ABI3: variants seen among roughly 807,000 people sequenced by gnomAD.
ABI3 encodes ABI family member 3, also known as ABI gene family member 3.
ABI3 carries 24 observed loss-of-function variants against 37.0 expected under a neutral mutation model. The ratio of observed to expected loss-of-function variants is 0.65; its 90% CI spans 0.47 to 0.91. ABI3 has a LOEUF of 0.91. ABI3 is among the 40% of genes least tolerant of loss of function. ABI3 has a pLI of 0.00. For missense variants in ABI3, 481 were observed against 485.1 expected (o/e 0.99, Z 0.08); for synonymous variants, 220 against 211.8 (o/e 1.04, Z -0.34).
chr17:49,219,533 C>T lies in ABI3; in HGVS notation c.463-7C>T. ...AAATGTAAGCCCTACCTCCCGCTCC[C>T]TCGCAGGACCTCAGCACGCAGCTGT... On this transcript the variant is annotated splice_polypyrimidine_tract_variant and splice_region_variant and intron_variant, in intron 3 of 7. Transcript: ENST00000225941. The surrounding 1 kb of genome is among the most constrained non-coding windows in gnomAD (Gnocchi z 4.3). The T allele has an allele frequency of 6.3e-7, 1 of 1,597,556 alleles. No homozygotes were observed. The highest frequency in any genetic ancestry group is 1.1e-5 in the South Asian group (1 of 88,406).
At chr17:49,211,608 G>GGAGGT (rs2043168193) in intron 1 of ABI3, among the ~76,000 whole-genome samples, 1 of 152,146 alleles carries the variant, frequency 6.6e-6, no homozygotes, top group Non-Finnish European at 1.5e-5. Context: ...AGTAGCTCAG[G>GGAGGT]GAGGTGAGGT....
Position 49,210,753 on chromosome 17 carries a change from T to G in ABI3, c.29T>G (p.Phe10Cys). 4 of 1,556,190 alleles carry G rather than the reference T, an allele frequency of 2.6e-6. No individual in the cohort carries two copies. The highest frequency in any genetic ancestry group is 1.7e-4 in the Middle Eastern group (1 of 5,988). Residue 10 changes from phenylalanine (F) to cysteine (C), a missense_variant, in exon 1 of 8, where the codon TTT becomes TGT. Phe to Cys is a radical substitution (Grantham distance 205, BLOSUM62 -2). Transcript: ENST00000225941. This position sits in a 1 kb window ranked among gnomAD's most constrained non-coding sequence, Gnocchi z 4.2. ...GCGGAGCTACAGCAGCTGCAGGAGT[T>G]TGAGATCCCCACTGGCCGGGAGGCT... MAELQQLQE[F>C]EIPTGREALR...
In ABI3 at chr17:49,219,882, A is replaced by G; in HGVS notation, c.573A>G (p.Pro191=). The G allele has an allele frequency of 6.5e-7, 1 of 1,548,474 alleles. No homozygotes were observed. The highest frequency in any genetic ancestry group is 8.7e-7 in the Non-Finnish European group (1 of 1,152,480). Residue 191 remains proline (P), a synonymous_variant, in exon 5 of 8, where the codon CCA becomes CCG. Coordinates refer to ENST00000225941, the MANE Select transcript of ABI3 (RefSeq NM_016428.3). This position sits in a 1 kb window ranked among gnomAD's most constrained non-coding sequence, Gnocchi z 4.3. ...GGAGACCACCCCGGATTCCCGAGCCAGTGCACCTGCCGGTGGTGCCCGACG... is the reference window on the plus strand; with the variant it reads ...GGAGACCACCCCGGATTCCCGAGCCGGTGCACCTGCCGGTGGTGCCCGACG... ...TLGRPPRIPE[P]VHLPVVPDGR...
chr17:49,217,738 G>A lies in ABI3; in HGVS notation c.286-1G>A. 6.2e-7 allele frequency: 1 copy of A among 1,605,698 alleles called. No individual in the cohort carries two copies. Among genetic ancestry groups the A allele is most frequent in the Non-Finnish European group, 8.5e-7 (1 of 1,176,400 alleles). On this transcript the variant is annotated splice_acceptor_variant, in intron 2 of 7. Coordinates refer to ENST00000225941, the MANE Select transcript of ABI3 (RefSeq NM_016428.3). LOFTEE classifies it high-confidence loss of function. ...CTGTCACCTTGAACCCTGTCATGCA[G>A]ATGGTGAACATGCATATGGAGAAGG...
At chr17:49,211,233 C>T (rs1176736177) in intron 1 of ABI3, among the ~76,000 whole-genome samples, 1 of 152,148 alleles carries the variant, frequency 6.6e-6, no homozygotes, top group Non-Finnish European at 1.5e-5. Flanking sequence ...TTCAGAAGAA[C>T]TTCCCAAACA....
rs141746983 is a variant in ABI3 at position 49,220,295 on chromosome 17, C to G, written c.771C>G (p.Pro257=). The G allele has an allele frequency of 1.7e-4, 265 of 1,598,828 alleles. No individual in the cohort carries two copies. The highest frequency in any genetic ancestry group is 3.9e-4 in the Middle Eastern group (2 of 5,114). Residue 257 remains proline, a synonymous_variant, in exon 6 of 8, where the codon CCC becomes CCG. Transcript: ENST00000225941. ...CCGTCGAGGTGTTCCAGCGGCCTCC[C>G]ACGCTGGAGGAGTTGTCCCCACCCC... is the stretch of plus-strand genomic sequence containing the variant. ...PAAVEVFQRP[P]TLEELSPPPP... is the part of the protein sequence containing the mutation.
chr17:49,221,479 A>T lies in ABI3; in HGVS notation c.803-612A>T, dbSNP rs756654434. On this transcript the variant is annotated intron_variant, in intron 6 of 7. Transcript: ENST00000225941. ...CAGCGAGACTCGGTCTCAAAAAAAA[A>T]TAAAACAAAATAAACTTAATCCTGA... 9.9e-4 allele frequency among the ~76,000 whole-genome samples: 150 copies of T among 152,096 alleles called. 2 individuals carry two copies. Among genetic ancestry groups the T allele is most frequent in the Non-Finnish European group, 1.6e-3 (110 of 68,018 alleles).
At position 49,222,183 on chromosome 17, in the gene ABI3, C is replaced by A. The variant is rs1329720152; in HGVS notation, c.895C>A (p.Pro299Thr). The change falls in exon 7 of 8, where the codon CCT becomes ACT. Residue 299 changes from proline to threonine, a missense_variant. Coordinates refer to ENST00000225941, the MANE Select transcript of ABI3 (RefSeq NM_016428.3). ...GLPPPPPGFG[P>T]DEPSWVPASY... ...GCCTCCACCCCCACCAGGATTTGGG[C>A]CTGATGAGCCCAGCTGGGTGCCTGC... 6.2e-7 allele frequency: 1 copy of A among 1,613,790 alleles called. No homozygotes were observed. Among genetic ancestry groups the A allele is most frequent in the South Asian group, 1.1e-5 (1 of 91,022 alleles).
chr17:49,212,182 G>A (rs2043175624), intron 1 of ABI3, among the ~76,000 whole-genome samples: 1 of 151,936 alleles, frequency 6.6e-6, no homozygotes, highest in Non-Finnish European at 1.5e-5. Context: ...TTGAACTCCT[G>A]GCCTCAAGTG....
At chr17:49,216,824 C>A in intron 2 of ABI3, 126 bp downstream of exon 2, 2 of 1,188,058 alleles carry the variant, frequency 1.7e-6, no homozygotes, top group Non-Finnish European at 2.2e-6. Flanking sequence ...AACTCTACAG[C>A]AGAAGGTTGG....
intron 2 of ABI3, 89 bp downstream of exon 2, chr17:49,216,787 C>T: frequency 7.6e-7 from 1 of 1,318,424 alleles, no homozygotes; most frequent in East Asian, 3.1e-5. Flanking sequence ...AAAGTTCCTT[C>T]CTGCTTTCCT....
At chr17:49,217,974 T>C in intron 3 of ABI3, 59 bp downstream of exon 3, 1 of 1,451,570 alleles carries the variant, frequency 6.9e-7, no homozygotes, top group Non-Finnish European at 9.1e-7. Context: ...TTGTGGCCCC[T>C]TTCCCTCCAG....
Position 49,210,888 on chromosome 17 carries a change from G to T in ABI3, c.117+47G>T. 1 of 1,480,562 alleles carries T rather than the reference G, an allele frequency of 6.8e-7. No homozygotes were observed. Among genetic ancestry groups the T allele is most frequent in the Non-Finnish European group, 9.2e-7 (1 of 1,088,618 alleles). The allele number at this position is 1,480,562 out of a possible 1,614,324, so 91.7% of individuals were successfully genotyped here. ...CTGACACCCCAGCCCCCGGAGGGGG[G>T]ACCCTGAGCCCTGCCCCAAGTGGGG... On this transcript the variant is annotated intron_variant, in intron 1 of 7. Transcript: ENST00000225941. The surrounding 1 kb of genome is among the most constrained non-coding windows in gnomAD (Gnocchi z 4.2).
chr17:49,222,164 A>G lies in ABI3; in HGVS notation c.876A>G (p.Pro292=). 1 of 1,613,042 alleles carries G rather than the reference A, an allele frequency of 6.2e-7. No homozygotes were observed. The highest frequency in any genetic ancestry group is 1.7e-4 in the Middle Eastern group (1 of 6,046). The part of the protein sequence containing the change: ...PLDGDELGLP[P]PPPGFGPDEP... ...ATGGAGATGAATTGGGGCTGCCTCC[A>G]CCCCCACCAGGATTTGGGCCTGATG... The change falls in exon 7 of 8, where the codon CCA becomes CCG. Residue 292 remains proline, a synonymous_variant. Coordinates refer to ENST00000225941, the MANE Select transcript of ABI3 (RefSeq NM_016428.3).
chr17:49,216,415 G>A (rs2043218369), intron 1 of ABI3, 116 bp from the exon 2 acceptor site: 1 of 973,586 alleles, frequency 1.0e-6, no homozygotes, highest in Non-Finnish European at 1.4e-6. Context: ...TCTAAGGGTT[G>A]CTGCTCTCTC....
At position 49,217,847 on chromosome 17, in the gene ABI3, C is replaced by A. The variant is rs774775538; in HGVS notation, c.394C>A (p.Pro132Thr). 3.7e-5 allele frequency: 59 copies of A among 1,605,862 alleles called. 2 individuals are homozygous for A. The South Asian group carries it at 5.2e-4, about 14-fold the overall frequency. ...GGTCATCGCCCCAGAGAACCTACCC[C>A]CTCTCACGCCCTACTGCAGGAGACC... ...QKVIAPENLP[P>T]LTPYCRRPLN... Residue 132 changes from proline to threonine, a missense_variant, in exon 3 of 8, where the codon CCT becomes ACT. Coordinates refer to ENST00000225941, the MANE Select transcript of ABI3 (RefSeq NM_016428.3).
Position 49,219,067 on chromosome 17 carries a change from TC to T in ABI3, c.463-469del, listed in dbSNP as rs1451984345. ...AGGCGTGCACCCTGTCATTTGCGCA[TC>T]CCCTCTAAGTGGCCTGGGTCTTGCT... On this transcript the variant is annotated intron_variant, in intron 3 of 7. Transcript: ENST00000225941. This position sits in a 1 kb window ranked among gnomAD's most constrained non-coding sequence, Gnocchi z 4.3. 6.6e-6 allele frequency among the ~76,000 whole-genome samples: 1 copy of T among 152,010 alleles called. No individual in the cohort carries two copies. Among genetic ancestry groups the T allele is most frequent in the Non-Finnish European group, 1.5e-5 (1 of 68,016 alleles).
At chr17:49,218,142 T>A (rs1456614586) in intron 3 of ABI3, among the ~76,000 whole-genome samples, 1 of 152,144 alleles carries the variant, frequency 6.6e-6, no homozygotes, top group Non-Finnish European at 1.5e-5. Flanking sequence ...GAGTGTGAGA[T>A]CCTGAGCACC....
chr17:49,220,340 C>A lies in ABI3; in HGVS notation c.802+14C>A. ...CACCCCCACCGGGTAAGGAGGTCCA[C>A]CCTCTTCTTCCCAACCGTGGGGTCG... On this transcript the variant is annotated intron_variant, in intron 6 of 7. Coordinates refer to ENST00000225941, the MANE Select transcript of ABI3 (RefSeq NM_016428.3). The A allele has an allele frequency of 1.9e-6, 3 of 1,560,856 alleles. No individual in the cohort carries two copies. The highest frequency in any genetic ancestry group is 1.9e-5 in the Admixed American group (1 of 52,880).
Sources: gnomAD v4.1 joint callset for allele counts (sites outside exome capture counted in the v4.1 genomes callset) on GRCh38, gnomAD v4.1.1 for gene constraint, Gnocchi (gnomAD v3.1) non-coding constraint, MANE v1.5 for transcripts, NCBI Gene and HGNC (gene_info 2026-07-23, HGNC 2026-07-21) for gene names.